MYCBP2: variants seen among roughly 807,000 people sequenced by gnomAD.
MYCBP2 encodes MYC binding protein 2.
MYCBP2 carries 120 observed loss-of-function variants against 525.3 expected under a neutral mutation model. The ratio of observed to expected loss-of-function variants is 0.23; its 90% CI spans 0.20 to 0.27. The LOEUF (loss-of-function observed/expected upper bound fraction) is 0.27, where lower values mean the gene tolerates loss of function less well. MYCBP2 is among the 10% of genes least tolerant of loss of function. The probability of loss-of-function intolerance (pLI) is 1.00; values close to 1 mark genes in which losing one functional copy is unlikely to be tolerated. For synonymous variants in MYCBP2, 1,894 were observed against 1,955.8 expected (o/e 0.97, Z 0.83); for missense variants, 4,149 against 5,657.1 (o/e 0.73, Z 8.55).
At chr13:77,262,591 C>T (rs1276880233) in intron 10 of MYCBP2, among the ~76,000 whole-genome samples, 1 of 151,914 alleles carries the variant, frequency 6.6e-6, no homozygotes, top group Non-Finnish European at 1.5e-5. Context: ...TGGAACAATG[C>T]CATGCAGATA....
intron 43 of MYCBP2, 40 bp downstream of exon 43, chr13:77,164,414 A>G (rs760592784): frequency 7.3e-7 from 1 of 1,368,854 alleles, no homozygotes; most frequent in Admixed American, 1.7e-5. Flanking sequence ...AAAACAAAAC[A>G]AAACCCTATC....
At chr13:77,175,344 C>T (rs542109775) in intron 36 of MYCBP2, among the ~76,000 whole-genome samples, 1 of 151,758 alleles carries the variant, frequency 6.6e-6, no homozygotes, top group East Asian at 1.9e-4. Flanking sequence ...TTAAGAAAAA[C>T]TCAGAGATAG....
At chr13:77,248,883 T>C (rs1328996103) in intron 15 of MYCBP2, among the ~76,000 whole-genome samples, 2 of 152,180 alleles carry the variant, frequency 1.3e-5, no homozygotes, top group Non-Finnish European at 2.9e-5. Flanking sequence ...AGTGAGTGAA[T>C]GGATAAGCAA....
At position 77,296,688 on chromosome 13, in the gene MYCBP2, G is replaced by A; in HGVS notation, c.303-14C>T. On this transcript the variant is annotated splice_polypyrimidine_tract_variant and intron_variant, in intron 1 of 82. Coordinates refer to ENST00000544440, the MANE Select transcript of MYCBP2 (RefSeq NM_015057.5). Reference sequence around the variant, plus strand: ...ATTTTCTTATTCCTAAATATTAAAAGAAAAATGGGAAAAAAATATGAATGT... The same window carrying A: ...ATTTTCTTATTCCTAAATATTAAAAAAAAAATGGGAAAAAAATATGAATGT... The A allele has an allele frequency of 2.3e-6, 3 of 1,316,690 alleles. No individual in the cohort carries two copies. The highest frequency in any genetic ancestry group is 1.5e-5 in the African/African-American group (1 of 65,894). 81.6% of individuals were successfully genotyped at this position (1,316,690 alleles called of 1,614,324 possible).
intron 58 of MYCBP2, 72 bp downstream of exon 58, chr13:77,095,286 C>T: frequency 1.9e-6 from 3 of 1,558,108 alleles, no homozygotes; most frequent in South Asian, 1.2e-5. Flanking sequence ...AAATACCGAA[C>T]TACCCTAGAT....
At position 77,131,264 on chromosome 13, in the gene MYCBP2, C is replaced by T. The variant is rs181566243; in HGVS notation, c.7660-4722G>A. Among the ~76,000 whole-genome samples, 50 of 152,228 alleles carry T rather than the reference C, an allele frequency of 3.3e-4. No homozygotes were observed. In the East Asian group the frequency reaches 5.4e-3, roughly 16 times the overall value. On this transcript the variant is annotated intron_variant, in intron 52 of 82. Coordinates refer to ENST00000544440, the MANE Select transcript of MYCBP2 (RefSeq NM_015057.5). ...TGGGTGAGTAGTGCATGCCTATACT[C>T]GTAGCTATTCAGAAGGCTGAGACAG...
chr13:77,093,128 C>T, intron 59 of MYCBP2, 37 bp downstream of exon 59: 4 of 1,555,622 alleles, frequency 2.6e-6, no homozygotes, highest in East Asian at 2.3e-5. Flanking sequence ...TTCCACCAAA[C>T]ACTAGCTATT....
At chr13:77,131,728 T>C (rs9574004) in intron 52 of MYCBP2, among the ~76,000 whole-genome samples, 9,238 of 152,210 alleles carry the variant, frequency 0.061, 466 homozygotes, top group East Asian at 0.17. Flanking sequence ...CACACATATA[T>C]ATAAAATAAC....
intron 17 of MYCBP2, among the ~76,000 whole-genome samples, chr13:77,236,831 G>A (rs139012619): frequency 1.2e-4 from 19 of 152,032 alleles, no homozygotes; most frequent in Admixed American, 1.0e-3. Flanking sequence ...CCAGTTGTTC[G>A]AGGCCAGCCT....
chr13:77,123,044 A>G (rs2051029479), intron 54 of MYCBP2, among the ~76,000 whole-genome samples: 1 of 152,212 alleles, frequency 6.6e-6, no homozygotes, highest in African/African-American at 2.4e-5. Flanking sequence ...TTTGCCTACT[A>G]CAGATTTCAA....
At chr13:77,247,523 G>A (rs1299038474) in intron 15 of MYCBP2, among the ~76,000 whole-genome samples, 1 of 152,156 alleles carries the variant, frequency 6.6e-6, no homozygotes. Context: ...CAGATTCATT[G>A]TAATCCCTAT....
intron 41 of MYCBP2, among the ~76,000 whole-genome samples, chr13:77,165,810 A>C (rs952518012): frequency 6.6e-6 from 1 of 152,206 alleles, no homozygotes; most frequent in African/African-American, 2.4e-5. Flanking sequence ...AGTGGAAAGA[A>C]GAAGTTTCTG....
chr13:77,274,836 G>A (rs1356141548), intron 4 of MYCBP2, among the ~76,000 whole-genome samples: 5 of 152,088 alleles, frequency 3.3e-5, no homozygotes, highest in Admixed American at 3.3e-4. Context: ...TCACTCCTTT[G>A]TTAATTTCTT....
At chr13:77,272,401 T>C (rs2075018679) in intron 5 of MYCBP2, 1 of 152,240 alleles carries the variant, frequency 6.6e-6, no homozygotes, top group South Asian at 2.1e-4. Flanking sequence ...CCTAAGTCTC[T>C]ATATAAAAGC....
At chr13:77,089,972 G>T in intron 60 of MYCBP2, 134 bp downstream of exon 60, 2 of 720,378 alleles carry the variant, frequency 2.8e-6, no homozygotes, top group Non-Finnish European at 4.2e-6. Flanking sequence ...TAGAAGGAAT[G>T]TCAATCACAC....
intron 23 of MYCBP2, among the ~76,000 whole-genome samples, chr13:77,210,519 G>T (rs1170607348): frequency 6.6e-6 from 1 of 152,122 alleles, no homozygotes; most frequent in African/African-American, 2.4e-5. Flanking sequence ...TCAAACAAAT[G>T]CAACATAATT....
In MYCBP2 at chr13:77,097,675, A is replaced by G; in HGVS notation, c.9479T>C (p.Leu3160Ser). The G allele has an allele frequency of 2.5e-6, 4 of 1,613,800 alleles. No individual in the cohort carries two copies. Among genetic ancestry groups the G allele is most frequent in the Non-Finnish European group, 3.4e-6 (4 of 1,179,822 alleles). Residue 3160 changes from leucine to serine, a missense_variant, in exon 56 of 83, where the codon TTA (leucine) becomes TCA (serine). Leu to Ser is a moderately radical substitution (Grantham distance 145, BLOSUM62 -2). Around this residue, in one of 21 missense-constraint regions of MYCBP2, gnomAD observed 653 missense variants for 744.7 expected, o/e 0.88. Coordinates refer to ENST00000544440, the MANE Select transcript of MYCBP2 (RefSeq NM_015057.5). The part of the protein sequence containing the change: ...MKSKSPLPLT[L>S]QHLVAFWEDI... Reference sequence around the variant, plus strand: ...TTCCCAAAAAGCCACTAAATGTTGTAAAGTTAAGGGAAGAGGAGACTTAGA... The same window carrying G: ...TTCCCAAAAAGCCACTAAATGTTGTGAAGTTAAGGGAAGAGGAGACTTAGA...
At chr13:77,084,075 C>A (rs894541443) in intron 62 of MYCBP2, among the ~76,000 whole-genome samples, 3 of 152,134 alleles carry the variant, frequency 2.0e-5, no homozygotes. Flanking sequence ...TTTCATCAGT[C>A]CACTTCAGAA....
intron 52 of MYCBP2, chr13:77,129,396 C>A (rs752109192): frequency 2.7e-6 from 1 of 374,246 alleles, no homozygotes; most frequent in Admixed American, 4.5e-5. Flanking sequence ...AACAACACAC[C>A]GAAGAAATTC....
Sources: gnomAD v4.1 joint callset for allele counts (sites outside exome capture counted in the v4.1 genomes callset) on GRCh38, gnomAD v4.1.1 for gene constraint, gnomAD v4.1.1 regional missense constraint, MANE v1.5 for transcripts, NCBI Gene and HGNC (gene_info 2026-07-23, HGNC 2026-07-21) for gene names.